Variants in PCDH15 observed in about 807,000 individuals in gnomAD.
PCDH15 encodes the protein protocadherin-15.
Under a neutral mutation model 178.5 loss-of-function variants are expected in PCDH15, and 129 were observed. The observed-to-expected ratio is 0.72, with a 90% CI of 0.63 to 0.84. The LOEUF is 0.84. Among genes scored for constraint, PCDH15 ranks in the 40% least tolerant of loss-of-function variants. PCDH15 has a pLI of 0.00. For missense variants in PCDH15, 2,230 were observed against 2,099.9 expected, an observed-to-expected ratio of 1.06 and a Z score of -1.21; for synonymous variants, 800 against 732.0, an observed-to-expected ratio of 1.09 and a Z score of -1.50.
chr10:54,062,047 C>A (rs188021815), intron 18 of PCDH15, among the ~76,000 whole-genome samples: 26 of 151,648 alleles, frequency 1.7e-4, no homozygotes, highest in African/African-American at 5.1e-4. Flanking sequence ...CAACATGGCA[C>A]AAACCTGTCT....
intron 13 of PCDH15, among the ~76,000 whole-genome samples, chr10:54,180,787 A>C (rs2133766839): frequency 6.6e-6 from 1 of 152,300 alleles, no homozygotes; most frequent in South Asian, 2.1e-4. Context: ...ACTAATTATA[A>C]AGCTTAATTT....
At chr10:55,174,738 A>G (rs1179889769) in intron 1 of PCDH15, among the ~76,000 whole-genome samples, 10 of 151,998 alleles carry the variant, frequency 6.6e-5, no homozygotes, top group African/African-American at 2.4e-4. Flanking sequence ...CTCCCTATCC[A>G]TGTTCTTTCT....
rs539805984 is a variant in PCDH15 at position 55,238,446 on chromosome 10, G to T, written c.-155-71795C>A. Among the ~76,000 whole-genome samples the T allele has an allele frequency of 4.9e-3, 747 of 152,006 alleles. 2 individuals are homozygous for T. Among genetic ancestry groups the T allele is most frequent in the Non-Finnish European group, 7.7e-3 (520 of 67,970 alleles). ...ATTAAAGGCGTGAGCCACCGCGCCC[G>T]GCCGCATTCATATTTTCTTAAGGAC... is the stretch of plus-strand genomic sequence containing the variant. On this transcript the variant is annotated intron_variant, in intron 1 of 5. Transcript: ENST00000458638.
At chr10:55,267,854 A>G (rs1433928623) in intron 1 of PCDH15, among the ~76,000 whole-genome samples, 1 of 152,162 alleles carries the variant, frequency 6.6e-6, no homozygotes, top group African/African-American at 2.4e-5. Flanking sequence ...GACAGGTTCC[A>G]CAGAAATCAA....
intron 18 of PCDH15, among the ~76,000 whole-genome samples, chr10:54,026,060 T>C (rs1354854598): frequency 1.3e-5 from 2 of 150,682 alleles, no homozygotes; most frequent in African/African-American, 4.8e-5. Flanking sequence ...GCAATCTATA[T>C]TTTAGGATGG....
In PCDH15 at chr10:53,804,750, C is replaced by G. The variant is rs1445377142; in HGVS notation, c.*1829G>C. 6.6e-6 allele frequency: 1 copy of G among 151,924 alleles called. No individual in the cohort carries two copies. The highest frequency in any genetic ancestry group is 1.5e-5 in the Non-Finnish European group (1 of 67,916). The allele number at this position is 151,924 out of a possible 1,614,324, so 9.4% of individuals were successfully genotyped here. ...TAATTCCTATACAAAGTATCCTATA[C>G]TAAAAACCATTGCTTTGGTGCCTGA... On this transcript the variant is annotated 3_prime_UTR_variant, in exon 38 of 38. Coordinates refer to ENST00000644397, the MANE Select transcript of PCDH15 (RefSeq NM_001384140.1).
At chr10:53,816,036 A>C (rs2076048745) in intron 35 of PCDH15, among the ~76,000 whole-genome samples, 1 of 152,146 alleles carries the variant, frequency 6.6e-6, no homozygotes, top group South Asian at 2.1e-4. Context: ...TGAGGCTAAA[A>C]ATTTGGAAGT....
intron 18 of PCDH15, among the ~76,000 whole-genome samples, chr10:54,049,004 T>C (rs1423534628): frequency 6.6e-6 from 1 of 152,026 alleles, no homozygotes; most frequent in Non-Finnish European, 1.5e-5. Context: ...TCCATGAGCA[T>C]AGAATGCTTT....
rs917947352 is a variant in PCDH15, at chr10:53,809,628, A to G, written c.4671+928T>C. On this transcript the variant is annotated intron_variant, in intron 37 of 37. Transcript: ENST00000644397. ...CTTGTCCCACGAAAGCTACGCAGGA[A>G]TGAATCTGTGGGTGATAGCTTCATG... 6 of 1,353,954 alleles carry G rather than the reference A, an allele frequency of 4.4e-6. No homozygotes were observed. The East Asian group carries it at 9.2e-5, about 21-fold the overall frequency. The allele number at this position is 1,353,954 out of a possible 1,614,324, so 83.9% of individuals were successfully genotyped here. A position where few individuals can be genotyped will look rare whatever the true frequency, so the allele number is the denominator to read the frequency against.
chr10:54,996,538 C>T (rs1329729393), intron 2 of PCDH15, among the ~76,000 whole-genome samples: 1 of 152,104 alleles, frequency 6.6e-6, no homozygotes, highest in Non-Finnish European at 1.5e-5. Flanking sequence ...CAGAATACAG[C>T]CCTTTGGGGT....
chr10:55,355,290 G>A (rs779208010), intron 2 of PCDH15, among the ~76,000 whole-genome samples: 16 of 151,836 alleles, frequency 1.1e-4, no homozygotes, highest in East Asian at 1.9e-4. Context: ...TGGATTGCTC[G>A]GTCACATAGA....
intron 3 of PCDH15, among the ~76,000 whole-genome samples, chr10:54,829,103 C>T (rs1051558288): frequency 2.0e-5 from 3 of 151,784 alleles, no homozygotes; most frequent in African/African-American, 7.3e-5. Context: ...TGTACACAGC[C>T]CTTGTAGATA....
chr10:54,643,273 G>C (rs1332029476), intron 2 of PCDH15, among the ~76,000 whole-genome samples: 1 of 152,066 alleles, frequency 6.6e-6, no homozygotes, highest in Non-Finnish European at 1.5e-5. Flanking sequence ...ATTTATTTTA[G>C]AAGAGTCTCC....
intron 2 of PCDH15, among the ~76,000 whole-genome samples, chr10:55,577,680 A>C (rs1023509487): frequency 1.3e-5 from 2 of 152,212 alleles, no homozygotes; most frequent in Admixed American, 1.3e-4. Flanking sequence ...GAAAAGAGTC[A>C]GTTAACACTG....
intron 2 of PCDH15, among the ~76,000 whole-genome samples, chr10:55,464,029 GAAA>G (rs1839770019): frequency 8.3e-6 from 1 of 119,870 alleles, no homozygotes; most frequent in African/African-American, 3.0e-5. Context: ...AAGAAAGAAA[GAAA>G]GAAAGAAAGA....
At chr10:54,625,746 A>T (rs1427645476) in intron 2 of PCDH15, among the ~76,000 whole-genome samples, 1 of 152,166 alleles carries the variant, frequency 6.6e-6, no homozygotes, top group Non-Finnish European at 1.5e-5. Flanking sequence ...CTAATACAGT[A>T]AATTGGTACC....
intron 2 of PCDH15, among the ~76,000 whole-genome samples, chr10:54,591,826 C>T (rs2091906821): frequency 6.6e-6 from 1 of 152,062 alleles, no homozygotes; most frequent in African/African-American, 2.4e-5. Context: ...GTCTAGTTAT[C>T]ATTCACCTGA....
rs548641176 is a variant in PCDH15, at chr10:55,589,098, A to G, written c.-156+38527T>C. On this transcript the variant is annotated intron_variant, in intron 2 of 5. Transcript: ENST00000613346. ...TTCCGTGTCAAAAAAAAAAAAAAAA[A>G]AAAGAAAGAAAGGATTAAAGTTACA... Among the ~76,000 whole-genome samples the G allele has an allele frequency of 9.0e-3, 1,359 of 151,362 alleles. 22 individuals are homozygous for G. Among genetic ancestry groups the G allele is most frequent in the African/African-American group, 0.031 (1,290 of 41,110 alleles).
chr10:54,554,005 T>C (rs1161133430), intron 2 of PCDH15, among the ~76,000 whole-genome samples: 1 of 152,172 alleles, frequency 6.6e-6, no homozygotes, highest in African/African-American at 2.4e-5. Flanking sequence ...ATAATTTCTT[T>C]ACAAATAATT....
Sources: gnomAD v4.1 joint callset for allele counts (sites outside exome capture counted in the v4.1 genomes callset) on GRCh38, gnomAD v4.1.1 for gene constraint, MANE v1.5 for transcripts, NCBI Gene and HGNC (gene_info 2026-07-23, HGNC 2026-07-21) for gene names.